GOLGA3: variants seen among roughly 807,000 people sequenced by gnomAD.
The protein encoded by GOLGA3 is golgin A3.
A neutral mutation model predicts 169.4 loss-of-function variants in GOLGA3; 75 were observed. The observed-to-expected ratio is 0.44, with a 90% CI of 0.37 to 0.54. The LOEUF is 0.54. Among genes scored for constraint, GOLGA3 ranks in the 20% least tolerant of loss-of-function variants. GOLGA3 has a pLI of 0.00. For synonymous variants in GOLGA3, 824 were observed against 822.4 expected (o/e 1.00, Z -0.03); for missense variants, 1,899 against 1,930.0 (o/e 0.98, Z 0.30).
chr12:132,778,735 A>G (rs2045383693), intron 18 of GOLGA3, among the ~76,000 whole-genome samples: 1 of 151,488 alleles, frequency 6.6e-6, no homozygotes, highest in African/African-American at 2.4e-5. Context: ...TCTCTACTAA[A>G]ATACAAAAAA....
chr12:132,784,718 ACAC>A (rs1469226029), intron 15 of GOLGA3, among the ~76,000 whole-genome samples: 4 of 151,776 alleles, frequency 2.6e-5, no homozygotes, highest in Non-Finnish European at 5.9e-5. Context: ...CACACCACAC[ACAC>A]ACGTGCTCAC....
At chr12:132,787,040 G>A (rs575974185) in intron 13 of GOLGA3, among the ~76,000 whole-genome samples, 2 of 151,742 alleles carry the variant, frequency 1.3e-5, no homozygotes, top group African/African-American at 2.4e-5. Context: ...TGCAACCTCC[G>A]CCTCCCAGGT....
intron 7 of GOLGA3, among the ~76,000 whole-genome samples, chr12:132,802,212 A>G (rs1949160084): frequency 6.6e-6 from 1 of 152,266 alleles, no homozygotes; most frequent in Non-Finnish European, 1.5e-5. Flanking sequence ...CAGCACCTTC[A>G]CCAGCTCATC....
chr12:132,821,913 C>T (rs376426149), intron 2 of GOLGA3, 83 bp downstream of exon 2: 7 of 844,582 alleles, frequency 8.3e-6, no homozygotes, highest in South Asian at 5.3e-5. Flanking sequence ...GTGGTCTCAA[C>T]GCCACATCCT....
At chr12:132,819,098 G>A (rs1281522077) in intron 2 of GOLGA3, among the ~76,000 whole-genome samples, 1 of 150,728 alleles carries the variant, frequency 6.6e-6, no homozygotes, top group Non-Finnish European at 1.5e-5. Flanking sequence ...GGGGAGGGAG[G>A]GTCCTCAGGG....
rs570811599 is a variant in GOLGA3 at position 132,797,828 on chromosome 12, A to G, written c.1938+512T>C. Among the ~76,000 whole-genome samples, 10 of 152,328 alleles carry G rather than the reference A, an allele frequency of 6.6e-5. No homozygotes were observed. The South Asian group carries it at 2.1e-3, about 32-fold the overall frequency. On this transcript the variant is annotated intron_variant, in intron 9 of 23. Transcript: ENST00000450791. Reference sequence around the variant, plus strand: ...GTCCTCTGGAGATGGCTGTGCAGGCAGCGGCCATGACCTCGACAGCGTGTG... The same window carrying G: ...GTCCTCTGGAGATGGCTGTGCAGGCGGCGGCCATGACCTCGACAGCGTGTG...
At position 132,822,257 on chromosome 12, in the gene GOLGA3, G is replaced by A. The variant is rs1950252302; in HGVS notation, c.-129C>T. ...CCTACTGTGTCTCCCATTTTCAGGA[G>A]AAGATCTGATGACTCACAAATGACT... On this transcript the variant is annotated 5_prime_UTR_variant, in exon 2 of 24. Transcript: ENST00000450791. The A allele has an allele frequency of 7.1e-7, 1 of 1,412,382 alleles. No homozygotes were observed. The highest frequency in any genetic ancestry group is 9.2e-7 in the Non-Finnish European group (1 of 1,090,006). 87.5% of individuals were successfully genotyped at this position (1,412,382 alleles called of 1,614,324 possible).
In GOLGA3 at chr12:132,789,164, C is replaced by T. The variant is rs555773700; in HGVS notation, c.2674G>A (p.Gly892Arg). The change falls in exon 13 of 24, where the codon GGG becomes AGG. Residue 892 changes from glycine (G) to arginine (R), a missense_variant. Coordinates refer to ENST00000450791, the MANE Select transcript of GOLGA3 (RefSeq NM_001389683.1). The stretch of plus-strand genomic sequence containing the variant: ...TCCGCCTCGGCAGTCCGCTTCTCCC[C>T]GTGCACTTGCATCAGCTCCTGCCGC... ...ELRQELMQVH[G>R]EKRTAEAELS... 1.9e-5 allele frequency: 30 copies of T among 1,612,276 alleles called. No homozygotes were observed. Among genetic ancestry groups the T allele is most frequent in the Admixed American group, 5.0e-5 (3 of 60,002 alleles).
chr12:132,822,805 C>T (rs550224345), intron 1 of GOLGA3, among the ~76,000 whole-genome samples: 1 of 152,224 alleles, frequency 6.6e-6, no homozygotes, highest in South Asian at 2.1e-4. Flanking sequence ...ACCTGTAATC[C>T]CAGCTACTCG....
chr12:132,788,977 A>G, intron 13 of GOLGA3, 50 bp downstream of exon 13: 1 of 517,176 alleles, frequency 1.9e-6, no homozygotes, highest in Non-Finnish European at 2.7e-6. Flanking sequence ...CCCGACAAGC[A>G]CTTTGGCCGA....
At chr12:132,792,220 C>G (rs548050890) in intron 11 of GOLGA3, among the ~76,000 whole-genome samples, 3 of 152,314 alleles carry the variant, frequency 2.0e-5, no homozygotes, top group Non-Finnish European at 4.4e-5. Context: ...TCACCACTGA[C>G]AGCATGAAGG....
At chr12:132,825,817 C>T (rs1593414027) in intron 1 of GOLGA3, 10 of 1,127,646 alleles carry the variant, frequency 8.9e-6, no homozygotes, top group Non-Finnish European at 1.4e-5. Context: ...ACTACAAGAA[C>T]ATTGGTCTGG....
chr12:132,774,621 A>C, intron 22 of GOLGA3: 2 of 465,812 alleles, frequency 4.3e-6, no homozygotes, highest in Non-Finnish European at 7.6e-6. Context: ...CGCTTCTCCC[A>C]TCAGATACTC....
Position 132,780,811 on chromosome 12 carries a change from C to G in GOLGA3, c.3569G>C (p.Ser1190Thr). 1 of 1,607,506 alleles carries G rather than the reference C, an allele frequency of 6.2e-7. No homozygotes were observed. Among genetic ancestry groups the G allele is most frequent in the Non-Finnish European group, 8.5e-7 (1 of 1,176,356 alleles). Residue 1190 changes from serine to threonine, a missense_variant, in exon 18 of 24, where the codon AGC (serine) becomes ACC (threonine). Transcript: ENST00000450791. ...SLEKEKEKVN[S>T]LKEQVAAAKV... ...GGTGGCACGCACCTGCTCCTTGAGG[C>G]TGTTCACCTTCTCCTTCTCCTTCTC...
intron 18 of GOLGA3, 51 bp downstream of exon 18, chr12:132,780,747 G>C (rs1248651174): frequency 9.1e-7 from 1 of 1,098,948 alleles, no homozygotes; most frequent in Admixed American, 1.7e-5. Flanking sequence ...TAGATTTCTA[G>C]GCACTGGAGC....
chr12:132,807,257 G>C lies in GOLGA3; in HGVS notation c.1210C>G (p.Gln404Glu). ...VSLESSAAET[Q>E]EEMLQVLKEK... ...TTGAGCACCTGCAGCATCTCCTCCT[G>C]TGTTTCTGCTGCAGAGCTCTCCAAG... The change falls in exon 6 of 24, where the codon CAG becomes GAG. Residue 404 changes from glutamine to glutamate, a missense_variant. Coordinates refer to ENST00000450791, the MANE Select transcript of GOLGA3 (RefSeq NM_001389683.1). The C allele has an allele frequency of 6.3e-7, 1 of 1,588,112 alleles. No individual in the cohort carries two copies. The highest frequency in any genetic ancestry group is 1.1e-5 in the South Asian group (1 of 87,194).
In GOLGA3 at chr12:132,786,795, A is replaced by C; in HGVS notation, c.2812-8T>G. ...CTTATCGAACTGCAACGACTGTGGA[A>C]GGGAAGGAGGGCGTGAGGAGCGGCA... On this transcript the variant is annotated splice_polypyrimidine_tract_variant and splice_region_variant and intron_variant, in intron 13 of 23. Transcript: ENST00000450791. The C allele has an allele frequency of 1.3e-6, 2 of 1,586,110 alleles. No homozygotes were observed.
intron 1 of GOLGA3, chr12:132,825,961 C>T (rs1180275092): frequency 3.1e-6 from 3 of 973,470 alleles, no homozygotes; most frequent in South Asian, 1.3e-5. Context: ...GGACCACTGT[C>T]ATCCGCCGAG....
Position 132,798,366 on chromosome 12 carries a change from T to C in GOLGA3, c.1912A>G (p.Ile638Val), listed in dbSNP as rs764392819. 15 of 1,613,150 alleles carry C rather than the reference T, an allele frequency of 9.3e-6. No homozygotes were observed. Among genetic ancestry groups the C allele is most frequent in the Admixed American group, 1.7e-5 (1 of 59,836 alleles). ...TCAATGCCCTGCAGCTGTGCCGCGA[T>C]GCGCCCCTTCTCCTTCATGGACCTG... ...QHRSMKEKGRIAAQLQGIEAD... is the reference protein window; with the variant it reads ...QHRSMKEKGRVAAQLQGIEAD... The change falls in exon 9 of 24, where the codon ATC becomes GTC. Residue 638 changes from isoleucine (I) to valine (V), a missense_variant. By Grantham distance (29) the Ile-to-Val change is conservative. Coordinates refer to ENST00000450791, the MANE Select transcript of GOLGA3 (RefSeq NM_001389683.1).
Sources: allele counts gnomAD v4.1 joint callset (sites outside exome capture counted in the v4.1 genomes callset), GRCh38; gene constraint gnomAD v4.1.1; transcripts MANE v1.5; gene names NCBI Gene and HGNC (gene_info 2026-07-23, HGNC 2026-07-21).